Variants in PRKCG observed in about 807,000 individuals in gnomAD.
The protein encoded by PRKCG is protein kinase C gamma.
PRKCG carries 28 observed loss-of-function variants against 82.0 expected under a neutral mutation model. The observed-to-expected ratio is 0.34, with a 90% CI of 0.25 to 0.47. The LOEUF is 0.47. Among genes scored for constraint, PRKCG ranks in the 20% least tolerant of loss-of-function variants. The probability of loss-of-function intolerance (pLI) is 1.00; values close to 1 mark genes in which losing one functional copy is unlikely to be tolerated. For missense variants in PRKCG, 640 were observed against 952.7 expected (o/e 0.67, Z 4.32); for synonymous variants, 383 against 376.6 (o/e 1.02, Z -0.20).
chr19:53,893,293 AC>A, intron 8 of PRKCG, 68 bp from the exon 9 acceptor site: 1 of 1,514,458 alleles, frequency 6.6e-7, no homozygotes. Flanking sequence ...ACTAGGGGCC[AC>A]CAGCCCCTGT....
intron 3 of PRKCG, among the ~76,000 whole-genome samples, chr19:53,888,135 C>T (rs766511201): frequency 1.3e-5 from 2 of 152,204 alleles, no homozygotes; most frequent in Non-Finnish European, 2.9e-5. Context: ...CCTTCACACA[C>T]AGCATCTTAT....
chr19:53,884,345 G>A lies in PRKCG; in HGVS notation c.285+102G>A. ...TCCTGCTATTTTTATGGCTGGGAGG[G>A]GAGGGGGGCTGGAGAGATAGGGGGA... On this transcript the variant is annotated intron_variant, in intron 3 of 17. Transcript: ENST00000263431. The surrounding 1 kb of genome is among the most constrained non-coding windows in gnomAD (Gnocchi z 4.6). The A allele has an allele frequency of 8.6e-7, 1 of 1,159,970 alleles. No homozygotes were observed. The highest frequency in any genetic ancestry group is 1.3e-6 in the Non-Finnish European group (1 of 777,424). 71.9% of individuals were successfully genotyped at this position (1,159,970 alleles called of 1,614,324 possible).
chr19:53,906,290 G>A, intron 16 of PRKCG, 27 bp from the exon 17 acceptor site: 1 of 1,550,550 alleles, frequency 6.4e-7, no homozygotes, highest in Non-Finnish European at 8.7e-7. Flanking sequence ...CTGTTTGTCT[G>A]TCTGTCTCTC....
In PRKCG at chr19:53,906,410, G is replaced by A. The variant is rs1177582167; in HGVS notation, c.1858G>A (p.Glu620Lys). 22 of 1,571,598 alleles carry A rather than the reference G, an allele frequency of 1.4e-5. No individual in the cohort carries two copies. Among genetic ancestry groups the A allele is most frequent in the Admixed American group, 5.5e-5 (3 of 54,132 alleles). ...TGGCTTTTTCCGCTGGATTGACTGG[G>A]AGCGGCTGGAACGATTGGAGATCCC... ...AHGFFRWIDWERLERLEIPPP... is the reference protein window; with the variant it reads ...AHGFFRWIDWKRLERLEIPPP... The change falls in exon 17 of 18, where the codon GAG becomes AAG. Residue 620 changes from glutamate to lysine, a missense_variant. Transcript: ENST00000263431.
chr19:53,887,159 C>T (rs935599091), intron 3 of PRKCG, among the ~76,000 whole-genome samples: 2 of 151,878 alleles, frequency 1.3e-5, no homozygotes, highest in South Asian at 2.1e-4. Flanking sequence ...GCAGTCTTGA[C>T]CTCCGGGGCT....
intron 5 of PRKCG, 149 bp downstream of exon 5, chr19:53,890,166 A>C: frequency 2.3e-6 from 2 of 885,238 alleles, no homozygotes; most frequent in Non-Finnish European, 3.5e-6. Flanking sequence ...CCCACCCCAA[A>C]GGCCGAGCAC....
At chr19:53,891,873 A>G in intron 6 of PRKCG, 43 bp downstream of exon 6, 1 of 1,612,528 alleles carries the variant, frequency 6.2e-7, no homozygotes, top group South Asian at 1.1e-5. Context: ...CTGACAGAGA[A>G]TGATCTGAGG....
At chr19:53,899,705 GCCT>G (rs1200571695) in intron 11 of PRKCG, among the ~76,000 whole-genome samples, 2 of 152,000 alleles carry the variant, frequency 1.3e-5, no homozygotes, top group Non-Finnish European at 2.9e-5. Context: ...TCCCGTCTCA[GCCT>G]CCTGAGTAGC....
rs965615317 is a variant in PRKCG at position 53,885,768 on chromosome 19, A to G, written c.285+1525A>G. The stretch of plus-strand genomic sequence containing the variant: ...TCTCAGCTGAAAATAACAGAAGTCT[A>G]CATAGAAGATGTGACTTCATAGAAC... On this transcript the variant is annotated intron_variant, in intron 3 of 17. Coordinates refer to ENST00000263431, the MANE Select transcript of PRKCG (RefSeq NM_002739.5). Among the ~76,000 whole-genome samples, 4 of 152,142 alleles carry G rather than the reference A, an allele frequency of 2.6e-5. 1 individual carries two copies. The highest frequency in any genetic ancestry group is 9.7e-5 in the African/African-American group (4 of 41,444).
rs2068754179 is a variant in PRKCG, at chr19:53,900,384, G to C, written c.1374-35G>C. 1.9e-6 allele frequency: 3 copies of C among 1,614,134 alleles called. No homozygotes were observed. Among genetic ancestry groups the C allele is most frequent in the East Asian group, 2.2e-5 (1 of 44,878 alleles). ...TGGAAGGGGGCAGGATCCAGCCACT[G>C]ACCTTCTGACGTCCCCACCCACCCC... On this transcript the variant is annotated intron_variant, in intron 12 of 17. Coordinates refer to ENST00000263431, the MANE Select transcript of PRKCG (RefSeq NM_002739.5). The surrounding 1 kb of genome is among the most constrained non-coding windows in gnomAD (Gnocchi z 4.2).
In PRKCG at chr19:53,882,745, A is replaced by G; in HGVS notation, c.170+81A>G. The stretch of plus-strand genomic sequence containing the variant: ...TATCACGCCGACCCCTGTGGAAGGA[A>G]GAAGGAGGGGGCTGTAGTCCCGACT... On this transcript the variant is annotated intron_variant, in intron 1 of 17. Transcript: ENST00000263431. This position sits in a 1 kb window ranked among gnomAD's most constrained non-coding sequence, Gnocchi z 6.1. 2 of 1,552,614 alleles carry G rather than the reference A, an allele frequency of 1.3e-6. No individual in the cohort carries two copies. Among genetic ancestry groups the G allele is most frequent in the South Asian group, 2.3e-5 (2 of 85,192 alleles).
rs1412354140 is a variant in PRKCG, at chr19:53,889,853, G to A, written c.398-33G>A. On this transcript the variant is annotated intron_variant, in intron 4 of 17. Coordinates refer to ENST00000263431, the MANE Select transcript of PRKCG (RefSeq NM_002739.5). The surrounding 1 kb of genome is among the most constrained non-coding windows in gnomAD (Gnocchi z 4.4). ...GGTGGAGTCTTGGCTTGGGGGCGGG[G>A]CCTGAGGTGCTACCCGCAGCTTTCC... is the stretch of plus-strand genomic sequence containing the variant. 2 of 1,570,564 alleles carry A rather than the reference G, an allele frequency of 1.3e-6. No homozygotes were observed. The highest frequency in any genetic ancestry group is 2.4e-5 in the East Asian group (1 of 42,166).
At position 53,903,138 on chromosome 19, in the gene PRKCG, G is replaced by A. The variant is rs200404402; in HGVS notation, c.1641G>A (p.Glu547=). 1.1e-5 allele frequency: 17 copies of A among 1,613,774 alleles called. No homozygotes were observed. In the Admixed American group the frequency reaches 1.7e-4, roughly 16 times the overall value. Residue 547 remains glutamate, a synonymous_variant, in exon 15 of 18, where the codon GAG becomes GAA. Transcript: ENST00000263431. ...GGTCCTTTGGAGTTCTGCTGTATGA[G>A]ATGTTGGCAGGACAGGTAAGGGAAG... ...DWWSFGVLLY[E]MLAGQPPFDG...
chr19:53,901,551 C>CAAA (rs57268943), intron 14 of PRKCG, among the ~76,000 whole-genome samples: 792 of 45,794 alleles, frequency 0.017, 21 homozygotes, highest in African/African-American at 0.048. Context: ...AACTTCATCT[C>CAAA]AAAAAAAAAA....
At chr19:53,890,150 C>A (rs2068662933) in intron 5 of PRKCG, 133 bp downstream of exon 5, 3 of 988,118 alleles carry the variant, frequency 3.0e-6, no homozygotes, top group African/African-American at 1.6e-5. Flanking sequence ...CGCCCACACT[C>A]CTGACCCCAC....
At chr19:53,898,195 G>A (rs2068731753) in intron 10 of PRKCG, 84 bp downstream of exon 10, 26 of 1,542,916 alleles carry the variant, frequency 1.7e-5, no homozygotes, top group Middle Eastern at 1.7e-4. Flanking sequence ...AGTGGGGGTG[G>A]GAAGAGACTG....
chr19:53,901,417 G>A (rs1021695962), intron 14 of PRKCG, among the ~76,000 whole-genome samples: 1 of 151,810 alleles, frequency 6.6e-6, no homozygotes, highest in Admixed American at 6.6e-5. Flanking sequence ...GGTGGCATGC[G>A]CCTGTAATCC....
Position 53,902,890 on chromosome 19 carries a change from C to CAAAAAAAAAAAAAAAAAA in PRKCG, c.1576-174_1576-157dup, listed in dbSNP as rs56955659. On this transcript the variant is annotated intron_variant, in intron 14 of 17. Transcript: ENST00000263431. Reference sequence around the variant, plus strand: ...CCTGGGCAACAGAGTGAGACCCTGTCAAAAAAAAAAAAAAAAAAAAAAAAA... The same window carrying CAAAAAAAAAAAAAAAAAA: ...CCTGGGCAACAGAGTGAGACCCTGTCAAAAAAAAAAAAAAAAAAAAAAAAAAAAAAAAAAAAAAAAAAA... 1.5e-4 allele frequency among the ~76,000 whole-genome samples: 3 copies of CAAAAAAAAAAAAAAAAAA among 19,976 alleles called. 1 individual carries two copies. The highest frequency in any genetic ancestry group is 4.1e-4 in the African/African-American group (3 of 7,260). 13.1% of individuals were successfully genotyped at this position (19,976 alleles called of 152,430 possible). A position where few individuals can be genotyped will look rare whatever the true frequency, so the allele number is the denominator to read the frequency against.
chr19:53,906,672 G>C (rs2068814353), intron 17 of PRKCG, 35 bp from the exon 18 acceptor site: 1 of 1,608,962 alleles, frequency 6.2e-7, no homozygotes, highest in African/African-American at 1.3e-5. Context: ...AGCCCTCGGA[G>C]CTGCTTAACT....
Sources: gnomAD v4.1 joint callset for allele counts (sites outside exome capture counted in the v4.1 genomes callset) on GRCh38, gnomAD v4.1.1 for gene constraint, Gnocchi (gnomAD v3.1) non-coding constraint, MANE v1.5 for transcripts, NCBI Gene and HGNC (gene_info 2026-07-23, HGNC 2026-07-21) for gene names.